Variants in SYNE2 observed in about 807,000 individuals in gnomAD.
SYNE2 encodes nesprin-2.
Under a neutral mutation model 856.3 loss-of-function variants are expected in SYNE2, and 431 were observed. The ratio of observed to expected loss-of-function variants is 0.50; its 90% CI spans 0.47 to 0.55. The LOEUF (loss-of-function observed/expected upper bound fraction) is 0.55, where lower values mean the gene tolerates loss of function less well. Ranked by LOEUF, SYNE2 falls within the 20% of genes least tolerant of loss-of-function variation. SYNE2 has a pLI of 0.00. For missense variants in SYNE2, 8,129 were observed against 8,023.2 expected (o/e 1.01, Z -0.50); for synonymous variants, 2,923 against 2,872.3 (o/e 1.02, Z -0.56).
chr14:64,087,394 A>G (rs1449151624), intron 57 of SYNE2: 1 of 599,680 alleles, frequency 1.7e-6, no homozygotes, highest in Admixed American at 2.0e-5. Context: ...AATAAAAGAC[A>G]CTTCTCTCTC....
chr14:64,106,733 A>G (rs1031359033), intron 64 of SYNE2, among the ~76,000 whole-genome samples: 5 of 152,140 alleles, frequency 3.3e-5, no homozygotes, highest in African/African-American at 1.2e-4. Context: ...TTTGTGGTGC[A>G]TATTATTTTA....
At chr14:63,811,995 G>A (rs1462501759) in intron 1 of SYNE2, among the ~76,000 whole-genome samples, 2 of 152,168 alleles carry the variant, frequency 1.3e-5, no homozygotes, top group Admixed American at 6.5e-5. Context: ...AGCTATACAC[G>A]TGTTGTCTTG....
At chr14:63,885,215 T>G (rs191256891) in intron 1 of SYNE2, among the ~76,000 whole-genome samples, 2 of 152,276 alleles carry the variant, frequency 1.3e-5, no homozygotes, top group Admixed American at 1.3e-4. Context: ...CCATGTTACC[T>G]CCAGAGCTCA....
chr14:64,125,828 A>G (rs2097939674), intron 71 of SYNE2, among the ~76,000 whole-genome samples: 1 of 152,144 alleles, frequency 6.6e-6, no homozygotes, highest in Admixed American at 6.5e-5. Context: ...CGGCTCATAA[A>G]TGACACTTTC....
At chr14:63,819,281 C>T (rs1163303487) in intron 1 of SYNE2, among the ~76,000 whole-genome samples, 3 of 151,840 alleles carry the variant, frequency 2.0e-5, no homozygotes, top group Non-Finnish European at 4.4e-5. Flanking sequence ...GGCCAGGCCA[C>T]AGTGCAATGG....
intron 32 of SYNE2, among the ~76,000 whole-genome samples, chr14:64,015,926 C>T (rs1320634725): frequency 1.3e-5 from 2 of 152,018 alleles, no homozygotes; most frequent in South Asian, 4.1e-4. Flanking sequence ...CTTGAGACTT[C>T]CTCTTTGACT....
intron 64 of SYNE2, among the ~76,000 whole-genome samples, chr14:64,104,446 C>CTTTTT (rs34102150): frequency 8.4e-5 from 10 of 118,804 alleles, no homozygotes; most frequent in Non-Finnish European, 1.2e-4. Context: ...CCTGTTTTCT[C>CTTTTT]TTTTTTTTTT....
At chr14:63,912,066 T>G (rs1254807992) in intron 2 of SYNE2, among the ~76,000 whole-genome samples, 1 of 152,188 alleles carries the variant, frequency 6.6e-6, no homozygotes, top group East Asian at 1.9e-4. Context: ...AATACTATAA[T>G]GTCAAGGTGA....
rs549004595 is a variant in SYNE2 at position 63,979,759 on chromosome 14, G to A, written c.1569+745G>A. Reference sequence around the variant, plus strand: ...TACTAAAAATACAAAAATTAGCTGGGCGTGGTTGTAGGCACCTGTAATACC... The same window carrying A: ...TACTAAAAATACAAAAATTAGCTGGACGTGGTTGTAGGCACCTGTAATACC... On this transcript the variant is annotated intron_variant, in intron 14 of 115. Coordinates refer to ENST00000555002, the MANE Select transcript of SYNE2 (RefSeq NM_182914.3). Among the ~76,000 whole-genome samples the A allele has an allele frequency of 2.8e-4, 43 of 152,280 alleles. 1 individual carries two copies. In the South Asian group the frequency reaches 8.7e-3, roughly 31 times the overall value.
In SYNE2 at chr14:64,225,387, AGCTGCTCCTCCTGCTGCT is replaced by A. The variant is rs750984033; in HGVS notation, c.20595_20612del (p.Leu6866_Leu6871del). 4 of 1,613,998 alleles carry A rather than the reference AGCTGCTCCTCCTGCTGCT, an allele frequency of 2.5e-6. No individual in the cohort carries two copies. The highest frequency in any genetic ancestry group is 2.2e-5 in the East Asian group (1 of 44,898). ...GTGGTCCGGGCAGCCCTACCCCTGC[AGCTGCTCCTCCTGCTGCT>A]GCTGCTCCTGGCCTGCCTGCTGCCC... On this transcript the variant is annotated inframe_deletion, in exon 116 of 116. Transcript: ENST00000555002.
chr14:63,926,917 G>A (rs1391289024), intron 2 of SYNE2, among the ~76,000 whole-genome samples: 3 of 152,202 alleles, frequency 2.0e-5, no homozygotes, highest in Non-Finnish European at 2.9e-5. Context: ...CTTGAGCTCA[G>A]ACCTAAGCAT....
At chr14:64,081,306 G>GT (rs76804071) in intron 56 of SYNE2, 137 bp from the exon 57 acceptor site, 31,350 of 1,006,304 alleles carry the variant, frequency 0.031, 699 homozygotes, top group Admixed American at 0.078. Context: ...AGGTGAATAA[G>GT]TAGCCCCAGC....
rs1023512828 is a variant in SYNE2, at chr14:63,865,715, C to G, written c.-52+12572C>G. Among the ~76,000 whole-genome samples the G allele has an allele frequency of 9.0e-5, 5 of 55,402 alleles. 1 individual carries two copies. Among genetic ancestry groups the G allele is most frequent in the Admixed American group, 1.8e-4 (1 of 5,582 alleles). 36.3% of individuals were successfully genotyped at this position (55,402 alleles called of 152,430 possible). The stretch of plus-strand genomic sequence containing the variant: ...CAACAAGAGCAAAACTCTGTACCCA[C>G]CCCCCCCCCAAAAAAAAAGAAAAGA... On this transcript the variant is annotated intron_variant, in intron 1 of 115. Coordinates refer to ENST00000555002, the MANE Select transcript of SYNE2 (RefSeq NM_182914.3).
chr14:63,844,888 T>G (rs1445067300), intron 1 of SYNE2, among the ~76,000 whole-genome samples: 1 of 151,974 alleles, frequency 6.6e-6, no homozygotes, highest in Non-Finnish European at 1.5e-5. Context: ...CTATTTTAAA[T>G]AAAAAGAAAA....
At chr14:64,059,287 T>A (rs2097297780) in intron 49 of SYNE2, among the ~76,000 whole-genome samples, 1 of 152,164 alleles carries the variant, frequency 6.6e-6, no homozygotes, top group Non-Finnish European at 1.5e-5. Context: ...CTGGGATTGC[T>A]TGTACCTGTC....
At chr14:63,782,467 CAAA>C (rs35413633) in intron 1 of SYNE2, among the ~76,000 whole-genome samples, 1 of 49,644 alleles carries the variant, frequency 2.0e-5, no homozygotes, top group Non-Finnish European at 3.5e-5. Flanking sequence ...AACTCCATCT[CAAA>C]AAAAAAAAAA....
chr14:64,187,926 T>G (rs1255985), intron 97 of SYNE2, among the ~76,000 whole-genome samples: 9,706 of 152,232 alleles, frequency 0.064, 555 homozygotes, highest in East Asian at 0.34. Flanking sequence ...AATGGGGTAT[T>G]GGGTATTTTG....
intron 84 of SYNE2, among the ~76,000 whole-genome samples, chr14:64,151,355 C>G (rs1377047243): frequency 1.3e-5 from 2 of 149,500 alleles, no homozygotes; most frequent in African/African-American, 5.0e-5. Flanking sequence ...TCAGCTACCC[C>G]ATGCCCACGA....
At chr14:64,040,790 T>C (rs1336876088) in intron 45 of SYNE2, among the ~76,000 whole-genome samples, 2 of 150,794 alleles carry the variant, frequency 1.3e-5, no homozygotes, top group Non-Finnish European at 3.0e-5. Flanking sequence ...GAGGAGAGAA[T>C]AGAGAGATTG....
Sources: allele counts gnomAD v4.1 joint callset (sites outside exome capture counted in the v4.1 genomes callset), GRCh38; gene constraint gnomAD v4.1.1; transcripts MANE v1.5; gene names NCBI Gene and HGNC (gene_info 2026-07-23, HGNC 2026-07-21).